DLGAP1: variants seen among roughly 807,000 people sequenced by gnomAD.
DLGAP1 encodes disks large-associated protein 1.
Under a neutral mutation model 90.8 loss-of-function variants are expected in DLGAP1, and 11 were observed. The ratio of observed to expected loss-of-function variants is 0.12; its 90% CI spans 0.08 to 0.20. The LOEUF is 0.20. Ranked by LOEUF, DLGAP1 falls within the 10% of genes least tolerant of loss-of-function variation. The pLI is 1.00. For missense variants in DLGAP1, 1,050 were observed against 1,333.8 expected (o/e 0.79, Z 3.31); for synonymous variants, 558 against 540.7 (o/e 1.03, Z -0.44).
At chr18:4,448,718 A>G (rs913140873) in intron 1 of DLGAP1, among the ~76,000 whole-genome samples, 2 of 152,118 alleles carry the variant, frequency 1.3e-5, no homozygotes, top group African/African-American at 4.8e-5. Flanking sequence ...AGATAGTAGA[A>G]CAGAATACAC....
rs994920533 is a variant in DLGAP1 at position 4,454,401 on chromosome 18, C to A, written c.-267+605G>T. ...CTCTCCAGTGACCTCCTCCTTGGAC[C>A]CCATTTCTCTCTCTCTCTCTCTCTC... On this transcript the variant is annotated intron_variant, in intron 1 of 12. Transcript: ENST00000315677. The surrounding 1 kb of genome is among the most constrained non-coding windows in gnomAD (Gnocchi z 4.7). 7.7e-5 allele frequency among the ~76,000 whole-genome samples: 6 copies of A among 78,376 alleles called. No individual in the cohort carries two copies. Among genetic ancestry groups the A allele is most frequent in the Non-Finnish European group, 1.8e-4 (6 of 32,440 alleles). The allele number at this position is 78,376 out of a possible 152,430, so 51.4% of individuals were successfully genotyped here.
chr18:4,390,748 G>A (rs559638281), intron 1 of DLGAP1, among the ~76,000 whole-genome samples: 2 of 152,234 alleles, frequency 1.3e-5, no homozygotes, highest in South Asian at 4.1e-4. Context: ...ATCCACTGAT[G>A]GAAGACATCT....
chr18:4,200,984 A>C (rs978313516), intron 1 of DLGAP1, among the ~76,000 whole-genome samples: 11 of 152,148 alleles, frequency 7.2e-5, no homozygotes, highest in African/African-American at 2.7e-4. Context: ...CATTGTAATG[A>C]GAATCTGCTC....
At chr18:3,835,592 T>C (rs184630151) in intron 4 of DLGAP1, among the ~76,000 whole-genome samples, 71 of 147,300 alleles carry the variant, frequency 4.8e-4, no homozygotes, top group East Asian at 1.2e-3. Flanking sequence ...GAAGTTGCGG[T>C]GAGCCAAGAT....
intron 5 of DLGAP1, among the ~76,000 whole-genome samples, chr18:3,804,572 A>G (rs917351279): frequency 9.9e-5 from 15 of 152,214 alleles, no homozygotes; most frequent in Admixed American, 8.5e-4. Flanking sequence ...AGGAACAGGG[A>G]GCTTTTCAGA....
chr18:3,791,194 A>G (rs16945381), intron 5 of DLGAP1, among the ~76,000 whole-genome samples: 22,215 of 152,212 alleles, frequency 0.15, 2,008 homozygotes, highest in East Asian at 0.41. Context: ...TCAGAAAAGT[A>G]GGCACAGGCA....
At chr18:4,076,993 G>T (rs12456993) in intron 2 of DLGAP1, among the ~76,000 whole-genome samples, 1 of 152,028 alleles carries the variant, frequency 6.6e-6, no homozygotes, top group Non-Finnish European at 1.5e-5. Context: ...TTGTTACTTC[G>T]CAAGGCTGAG....
chr18:3,829,788 C>T (rs543707937), intron 4 of DLGAP1, among the ~76,000 whole-genome samples: 1 of 152,114 alleles, frequency 6.6e-6, no homozygotes, highest in Non-Finnish European at 1.5e-5. Flanking sequence ...ATTTTAACCA[C>T]GTGTATACAA....
At chr18:4,347,852 G>A (rs1161986175) in intron 1 of DLGAP1, among the ~76,000 whole-genome samples, 60 of 152,042 alleles carry the variant, frequency 3.9e-4, no homozygotes, top group Non-Finnish European at 7.4e-5. Context: ...AGAATTGGTA[G>A]AGAAGAGGTA....
chr18:4,301,433 G>A (rs900586173), intron 1 of DLGAP1, among the ~76,000 whole-genome samples: 2 of 152,074 alleles, frequency 1.3e-5, no homozygotes, highest in Admixed American at 6.6e-5. Flanking sequence ...ATATTCTCCA[G>A]TTCTATTCAT....
intron 3 of DLGAP1, among the ~76,000 whole-genome samples, chr18:3,915,911 T>C (rs2072132798): frequency 6.6e-6 from 1 of 152,210 alleles, no homozygotes. Flanking sequence ...GGTAGTTCTA[T>C]TTTTAATTTT....
intron 4 of DLGAP1, among the ~76,000 whole-genome samples, chr18:3,841,470 G>T (rs1318226099): frequency 6.6e-6 from 1 of 152,124 alleles, no homozygotes; most frequent in Admixed American, 6.5e-5. Flanking sequence ...AGAAATTAAG[G>T]ATTTAAAAAA....
At chr18:3,844,666 G>A (rs774840433) in intron 4 of DLGAP1, among the ~76,000 whole-genome samples, 1 of 152,078 alleles carries the variant, frequency 6.6e-6, no homozygotes, top group Non-Finnish European at 1.5e-5. Context: ...TTACCAGCAC[G>A]CTGTTATTTT....
intron 7 of DLGAP1, among the ~76,000 whole-genome samples, chr18:3,642,008 C>T (rs1471838079): frequency 6.6e-6 from 1 of 152,246 alleles, no homozygotes; most frequent in African/African-American, 2.4e-5. Flanking sequence ...TCTCCACTAA[C>T]ACCTGGGTCC....
At chr18:4,381,939 C>T (rs568394683) in intron 1 of DLGAP1, among the ~76,000 whole-genome samples, 2 of 152,264 alleles carry the variant, frequency 1.3e-5, no homozygotes, top group Middle Eastern at 3.4e-3. Flanking sequence ...TACACGGCGG[C>T]AGACAAGAGA....
At chr18:4,309,298 G>A (rs1487510947) in intron 1 of DLGAP1, among the ~76,000 whole-genome samples, 1 of 152,186 alleles carries the variant, frequency 6.6e-6, no homozygotes. Flanking sequence ...AGCGCACATA[G>A]CAATAGCACT....
chr18:3,713,947 C>T (rs1422571080), intron 7 of DLGAP1, among the ~76,000 whole-genome samples: 1 of 152,146 alleles, frequency 6.6e-6, no homozygotes, highest in South Asian at 2.1e-4. Context: ...CAGGATTCCG[C>T]CCTATTCTGA....
At chr18:4,118,556 C>T (rs180824994) in intron 2 of DLGAP1, among the ~76,000 whole-genome samples, 4 of 152,208 alleles carry the variant, frequency 2.6e-5, no homozygotes, top group East Asian at 3.9e-4. Context: ...TAGTCACCCC[C>T]GCCTACAATG....
chr18:3,802,290 C>T (rs1002379777), intron 5 of DLGAP1, among the ~76,000 whole-genome samples: 3 of 152,206 alleles, frequency 2.0e-5, no homozygotes, highest in Admixed American at 1.3e-4. Context: ...CCACGCAGGC[C>T]ATCTTTCTAA....
Sources: gnomAD v4.1 joint callset for allele counts (sites outside exome capture counted in the v4.1 genomes callset) on GRCh38, gnomAD v4.1.1 for gene constraint, Gnocchi (gnomAD v3.1) non-coding constraint, MANE v1.5 for transcripts, NCBI Gene and HGNC (gene_info 2026-07-23, HGNC 2026-07-21) for gene names.